Variants in KAZN observed in about 807,000 individuals in gnomAD.
KAZN encodes kazrin.
A neutral mutation model predicts 87.4 loss-of-function variants in KAZN; 40 were observed. The ratio of observed to expected loss-of-function variants is 0.46; its 90% CI spans 0.36 to 0.60. The LOEUF is 0.60. Among genes scored for constraint, KAZN ranks in the 20% least tolerant of loss-of-function variants. KAZN has a pLI of 0.00. For synonymous variants in KAZN, 466 were observed against 458.3 expected, an observed-to-expected ratio of 1.02 and a Z score of -0.22; for missense variants, 898 against 1,073.9, an observed-to-expected ratio of 0.84 and a Z score of 2.29.
chr1:14,412,887 T>C (rs1325231785), intron 2 of KAZN, among the ~76,000 whole-genome samples: 3 of 150,790 alleles, frequency 2.0e-5, no homozygotes, highest in African/African-American at 7.3e-5. Context: ...GACACTGTGA[T>C]ATGGACTCAG....
chr1:14,071,333 T>C (rs1203673805), intron 1 of KAZN, among the ~76,000 whole-genome samples: 2 of 152,050 alleles, frequency 1.3e-5, no homozygotes, highest in South Asian at 2.1e-4. Context: ...GGCTGGAGTC[T>C]GGGGGGACTG....
intron 2 of KAZN, among the ~76,000 whole-genome samples, chr1:14,292,722 G>C (rs1385327628): frequency 6.6e-6 from 1 of 152,206 alleles, no homozygotes; most frequent in South Asian, 2.1e-4. Context: ...CTGCGTGTTG[G>C]TGCATGGAAG....
Position 14,820,758 on chromosome 1 carries a change from T to C in KAZN, c.227-139926T>C, listed in dbSNP as rs1646715737. On this transcript the variant is annotated intron_variant, in intron 1 of 14. Transcript: ENST00000376030. The surrounding 1 kb of genome is among the most constrained non-coding windows in gnomAD (Gnocchi z 4.1). ...GTACTGGGAATAGTCATGGTTTGGT[T>C]TGAATGGAGTAGAAGATTCCAGAGG... 6.6e-6 allele frequency among the ~76,000 whole-genome samples: 1 copy of C among 152,128 alleles called. No individual in the cohort carries two copies. Among genetic ancestry groups the C allele is most frequent in the African/African-American group, 2.4e-5 (1 of 41,428 alleles).
intron 1 of KAZN, among the ~76,000 whole-genome samples, chr1:14,158,067 C>T (rs1030484536): frequency 6.6e-6 from 1 of 152,160 alleles, no homozygotes; most frequent in African/African-American, 2.4e-5. Flanking sequence ...TAGAGCCAAA[C>T]CATATCAGGT....
chr1:14,798,730 G>A (rs1310746232), intron 1 of KAZN, among the ~76,000 whole-genome samples: 2 of 149,046 alleles, frequency 1.3e-5, no homozygotes, highest in Admixed American at 6.7e-5. Flanking sequence ...CACCACGCCC[G>A]GCCCACTTTC....
chr1:14,075,590 T>TA (rs545591276), intron 1 of KAZN, among the ~76,000 whole-genome samples: 13 of 151,984 alleles, frequency 8.6e-5, no homozygotes, highest in African/African-American at 2.7e-4. Context: ...GGCAGACTTT[T>TA]AAAAAAAAGT....
intron 1 of KAZN, among the ~76,000 whole-genome samples, chr1:14,689,969 A>C (rs1248232332): frequency 6.6e-6 from 1 of 152,108 alleles, no homozygotes; most frequent in Non-Finnish European, 1.5e-5. Flanking sequence ...CAGGGTTTCC[A>C]TCTTCTCTGT....
intron 1 of KAZN, among the ~76,000 whole-genome samples, chr1:14,728,592 G>A (rs555431048): frequency 6.6e-6 from 1 of 152,280 alleles, no homozygotes; most frequent in East Asian, 1.9e-4. Flanking sequence ...TCCTCAGAGG[G>A]TTCAAATGCA....
chr1:14,170,920 A>T (rs1645942048), intron 1 of KAZN, among the ~76,000 whole-genome samples: 1 of 151,980 alleles, frequency 6.6e-6, no homozygotes, highest in African/African-American at 2.4e-5. Context: ...TGGGGTTTCG[A>T]TGAGGCTGGT....
intron 2 of KAZN, among the ~76,000 whole-genome samples, chr1:14,972,454 C>G (rs966354063): frequency 3.9e-5 from 6 of 151,946 alleles, no homozygotes; most frequent in Non-Finnish European, 8.8e-5. Flanking sequence ...AGGCCTTGAC[C>G]CTGATTCACC....
intron 2 of KAZN, among the ~76,000 whole-genome samples, chr1:14,418,753 C>T (rs1332500924): frequency 3.3e-5 from 5 of 152,214 alleles, no homozygotes; most frequent in Non-Finnish European, 7.3e-5. Flanking sequence ...AGGACTCTCC[C>T]TAGCTCTGAA....
intron 1 of KAZN, among the ~76,000 whole-genome samples, chr1:14,651,280 T>C (rs1638350135): frequency 6.6e-6 from 1 of 152,212 alleles, no homozygotes; most frequent in Non-Finnish European, 1.5e-5. Context: ...AGACTTATTT[T>C]GATGGCAGGA....
intron 2 of KAZN, among the ~76,000 whole-genome samples, chr1:14,371,819 C>CT (rs1196215606): frequency 6.6e-6 from 1 of 152,276 alleles, no homozygotes; most frequent in Admixed American, 6.5e-5. Context: ...GGAGAATTAT[C>CT]TTTGAGAGGC....
intron 1 of KAZN, among the ~76,000 whole-genome samples, chr1:14,785,907 G>A (rs945778685): frequency 2.6e-5 from 4 of 152,102 alleles, no homozygotes; most frequent in Non-Finnish European, 5.9e-5. Flanking sequence ...ACTGTCTCTG[G>A]GTTGAAACCT....
chr1:15,002,071 G>A (rs895433967), intron 2 of KAZN, among the ~76,000 whole-genome samples: 6 of 151,686 alleles, frequency 4.0e-5, no homozygotes, highest in East Asian at 1.9e-4. Flanking sequence ...TAGTAGAGAC[G>A]GGGTTTCACC....
At chr1:14,993,118 C>G (rs185699330) in intron 2 of KAZN, among the ~76,000 whole-genome samples, 1 of 150,156 alleles carries the variant, frequency 6.7e-6, no homozygotes, top group African/African-American at 2.5e-5. Context: ...TGAGCCATCG[C>G]GCCCAGTCTG....
At chr1:14,437,637 G>A (rs1263058011) in intron 2 of KAZN, among the ~76,000 whole-genome samples, 1 of 152,118 alleles carries the variant, frequency 6.6e-6, no homozygotes, top group Non-Finnish European at 1.5e-5. Flanking sequence ...CCCTTCCCCT[G>A]CCTCCACCTC....
intron 2 of KAZN, among the ~76,000 whole-genome samples, chr1:14,278,102 G>A (rs1196678059): frequency 1.3e-5 from 2 of 149,638 alleles, no homozygotes; most frequent in African/African-American, 2.5e-5. Context: ...TCTGGGAGGC[G>A]GAGGTTGCTG....
At chr1:15,049,586 T>G (rs1573185827) in intron 4 of KAZN, among the ~76,000 whole-genome samples, 2 of 152,320 alleles carry the variant, frequency 1.3e-5, no homozygotes, top group South Asian at 4.1e-4. Context: ...GTAGGACATT[T>G]TGCAAGAATC....
Sources: allele counts gnomAD v4.1 joint callset (sites outside exome capture counted in the v4.1 genomes callset), GRCh38; gene constraint gnomAD v4.1.1; non-coding constraint Gnocchi (gnomAD v3.1); transcripts MANE v1.5; gene names NCBI Gene and HGNC (gene_info 2026-07-23, HGNC 2026-07-21).